The following BCL2L14 variants were observed in gnomAD, a reference collection of about 807,000 sequenced individuals.
The protein encoded by BCL2L14 is BCL2 like 14.
In BCL2L14, 27 loss-of-function variants were observed where a neutral mutation model predicts 35.3. The observed-to-expected ratio is 0.76, with a 90% CI of 0.56 to 1.05. BCL2L14 has a LOEUF of 1.05. BCL2L14 is among the 50% of genes least tolerant of loss of function. The probability of loss-of-function intolerance (pLI) is 0.00; values close to 1 mark genes in which losing one functional copy is unlikely to be tolerated. For synonymous variants in BCL2L14, 139 were observed against 145.9 expected, an observed-to-expected ratio of 0.95 and a Z score of 0.34; for missense variants, 377 against 382.6, an observed-to-expected ratio of 0.99 and a Z score of 0.12.
chr12:12,050,016 A>G (rs1247809937), intron 1 of BCL2L14: 1 of 152,180 alleles, frequency 6.6e-6, no homozygotes, highest in Admixed American at 6.5e-5. Context: ...CTTAAGTTTG[A>G]TATTTCCTAA....
chr12:12,070,765 A>T (rs988897180), upstream of BCL2L14, among the ~76,000 whole-genome samples: 6 of 152,176 alleles, frequency 3.9e-5, no homozygotes, highest in Non-Finnish European at 8.8e-5. Flanking sequence ...ACTGATAAGG[A>T]TAGTAAAGAA....
rs1402509012 is a variant in BCL2L14, at chr12:12,079,407, T to C, written c.102T>C (p.His34=). The change falls in exon 2 of 6, where the codon CAT becomes CAC. Residue 34 remains histidine (H), a synonymous_variant. Coordinates refer to ENST00000308721, the MANE Select transcript of BCL2L14 (RefSeq NM_138723.2). Reference sequence around the variant, plus strand: ...TCCTCGCCTACTACACCAGACATCATGTCTTCAAGAGCACCCCTGCTCTCT... The same window carrying C: ...TCCTCGCCTACTACACCAGACATCACGTCTTCAAGAGCACCCCTGCTCTCT... The part of the protein sequence containing the change: ...FKILAYYTRH[H]VFKSTPALFS... The C allele has an allele frequency of 2.5e-6, 4 of 1,614,064 alleles. No homozygotes were observed. The highest frequency in any genetic ancestry group is 2.5e-6 in the Non-Finnish European group (3 of 1,180,042).
At chr12:12,073,997 G>GAGTT (rs1269041321) in intron 1 of BCL2L14, among the ~76,000 whole-genome samples, 1 of 152,138 alleles carries the variant, frequency 6.6e-6, no homozygotes, top group African/African-American at 2.4e-5. Context: ...AGGGTGGCCA[G>GAGTT]AGTTAGCAAG....
At position 12,057,769 on chromosome 12, in the gene BCL2L14, AAG is replaced by A. The variant is rs1448693176; in HGVS notation, c.-272+5924_-272+5925del. Among the ~76,000 whole-genome samples the A allele has an allele frequency of 1.3e-5, 2 of 150,980 alleles. 1 individual carries two copies. Among genetic ancestry groups the A allele is most frequent in the East Asian group, 3.9e-4 (2 of 5,134 alleles). On this transcript the variant is annotated intron_variant, in intron 2 of 3. Transcript: ENST00000461264. Reference sequence around the variant, plus strand: ...CAAAACTCCATTAAAAAAAAAAAAAAAGAAGTGAAGAACATCAACAAACTGGG... The same window carrying A: ...CAAAACTCCATTAAAAAAAAAAAAAAAAGTGAAGAACATCAACAAACTGGG...
At chr12:12,091,435 G>A (rs1393514528) in intron 4 of BCL2L14, among the ~76,000 whole-genome samples, 1 of 152,184 alleles carries the variant, frequency 6.6e-6, no homozygotes, top group Non-Finnish European at 1.5e-5. Context: ...AACAGTTGGT[G>A]AGCAAACCTT....
chr12:12,065,794 A>ATT (rs35435604), intron 2 of BCL2L14, among the ~76,000 whole-genome samples: 97 of 139,852 alleles, frequency 6.9e-4, no homozygotes, highest in Non-Finnish European at 1.3e-3. Context: ...CTTTGTTTCT[A>ATT]TTTTTTTTTT....
chr12:12,087,931 C>T (rs1949084637), intron 3 of BCL2L14, among the ~76,000 whole-genome samples: 1 of 152,132 alleles, frequency 6.6e-6, no homozygotes, highest in South Asian at 2.1e-4. Context: ...GGTGGTAACT[C>T]AAGGCACTGA....
At chr12:12,097,112 T>A (rs1949331040) in intron 5 of BCL2L14, among the ~76,000 whole-genome samples, 1 of 151,902 alleles carries the variant, frequency 6.6e-6, no homozygotes, top group Admixed American at 6.6e-5. Context: ...GCCACTGCAC[T>A]CCAGCCTGGG....
chr12:12,096,045 C>A lies in BCL2L14; in HGVS notation c.945+1115C>A, dbSNP rs545103096. On this transcript the variant is annotated intron_variant, in intron 5 of 5. Transcript: ENST00000308721. ...TTCTTCTTTCCAGGATTCCTTCACC[C>A]CAACAACCCCCTTGAGCCCTCATCT... 1.1e-5 allele frequency: 11 copies of A among 985,296 alleles called. No homozygotes were observed. In the South Asian group the frequency reaches 4.2e-4, roughly 38 times the overall value. 61.0% of individuals were successfully genotyped at this position (985,296 alleles called of 1,614,324 possible). A position where few individuals can be genotyped will look rare whatever the true frequency, so the allele number is the denominator to read the frequency against.
rs747971620 is a variant in BCL2L14, at chr12:12,081,310, C to T, written c.433+1572C>T. 2.6e-5 allele frequency among the ~76,000 whole-genome samples: 4 copies of T among 151,714 alleles called. 1 individual carries two copies. In the South Asian group the frequency reaches 8.4e-4, roughly 32 times the overall value. On this transcript the variant is annotated intron_variant, in intron 2 of 5. Coordinates refer to ENST00000308721, the MANE Select transcript of BCL2L14 (RefSeq NM_138723.2). ...TAAAAAATTAAAATAAAAAAATTAG[C>T]GAGGCATGGTGGCACATGCCTGTTG...
chr12:12,072,378 G>GC (rs1004383536), intron 1 of BCL2L14: 7 of 152,360 alleles, frequency 4.6e-5, no homozygotes, highest in African/African-American at 1.7e-4. Flanking sequence ...CGGCCAGGCA[G>GC]CCAGTGTTCC....
Position 12,087,203 on chromosome 12 carries a change from C to G in BCL2L14, c.434-10C>G. 1 of 1,613,520 alleles carries G rather than the reference C, an allele frequency of 6.2e-7. No homozygotes were observed. Among genetic ancestry groups the G allele is most frequent in the Non-Finnish European group, 8.5e-7 (1 of 1,179,648 alleles). ...GAAGGGCCTCTCAGCACCATTTTGT[C>G]TTGTTTCAGCTGTGGACCCCAAAGT... is the stretch of plus-strand genomic sequence containing the variant. On this transcript the variant is annotated splice_polypyrimidine_tract_variant and intron_variant, in intron 2 of 5. Coordinates refer to ENST00000308721, the MANE Select transcript of BCL2L14 (RefSeq NM_138723.2).
chr12:12,051,097 G>A (rs1304867281), intron 1 of BCL2L14, among the ~76,000 whole-genome samples: 5 of 152,190 alleles, frequency 3.3e-5, no homozygotes, highest in African/African-American at 9.6e-5. Context: ...AAAGTTCAGC[G>A]TGAAATTGAC....
intron 1 of BCL2L14, among the ~76,000 whole-genome samples, chr12:12,073,310 C>T (rs567051363): frequency 1.8e-4 from 28 of 152,344 alleles, no homozygotes; most frequent in African/African-American, 6.7e-4. Context: ...CTGGGGCTGG[C>T]TCCTGAGCAC....
chr12:12,094,988 T>C (rs1015205877), intron 5 of BCL2L14, 58 bp downstream of exon 5: 2 of 85,028 alleles, frequency 2.4e-5, no homozygotes, highest in Non-Finnish European at 5.2e-5. Flanking sequence ...ATGGGATGGA[T>C]TTTTTTTTTT....
intron 2 of BCL2L14, among the ~76,000 whole-genome samples, chr12:12,057,110 C>T (rs532100459): frequency 2.6e-5 from 4 of 152,286 alleles, no homozygotes; most frequent in African/African-American, 9.6e-5. Context: ...AACTACCACA[C>T]ATTTATAGTC....
upstream of BCL2L14, among the ~76,000 whole-genome samples, chr12:12,066,463 A>G (rs561240740): frequency 1.3e-5 from 2 of 152,282 alleles, no homozygotes; most frequent in Admixed American, 1.3e-4. Context: ...TTTTATCTAT[A>G]TTATTCAAAC....
chr12:12,090,639 T>TAA, intron 3 of BCL2L14, 140 bp from the exon 4 acceptor site: 20 of 544,268 alleles, frequency 3.7e-5, no homozygotes, highest in South Asian at 1.3e-4. Flanking sequence ...GTCTAAAAAA[T>TAA]AAAAAATAAA....
chr12:12,085,651 G>C (rs985790665), intron 2 of BCL2L14, among the ~76,000 whole-genome samples: 1 of 152,214 alleles, frequency 6.6e-6, no homozygotes, highest in African/African-American at 2.4e-5. Flanking sequence ...ATCATGGACA[G>C]AGCAGTATCT....
Sources: gnomAD v4.1 joint callset for allele counts (sites outside exome capture counted in the v4.1 genomes callset) on GRCh38, gnomAD v4.1.1 for gene constraint, MANE v1.5 for transcripts, NCBI Gene and HGNC (gene_info 2026-07-23, HGNC 2026-07-21) for gene names.